The following HTR3C variants were observed in gnomAD, a reference collection of about 807,000 sequenced individuals.
The protein encoded by HTR3C is 5-HT3-C.
A neutral mutation model predicts 40.5 loss-of-function variants in HTR3C; 32 were observed. The ratio of observed to expected loss-of-function variants is 0.79; its 90% CI spans 0.60 to 1.06. The LOEUF (loss-of-function observed/expected upper bound fraction) is 1.06. Ranked by LOEUF, HTR3C falls within the 50% of genes least tolerant of loss-of-function variation. The pLI is 0.00. For missense variants in HTR3C, 523 were observed against 556.8 expected, an observed-to-expected ratio of 0.94 and a Z score of 0.61; for synonymous variants, 209 against 217.1, an observed-to-expected ratio of 0.96 and a Z score of 0.33.
At chr3:184,056,724 G>A in intron 4 of HTR3C, 151 bp from the exon 5 acceptor site, 1 of 658,164 alleles carries the variant, frequency 1.5e-6, no homozygotes, top group African/African-American at 1.8e-5. Flanking sequence ...CTCCAGCCTG[G>A]GCTACAAGAG....
intron 5 of HTR3C, among the ~76,000 whole-genome samples, chr3:184,057,520 G>A (rs1310821136): frequency 1.3e-5 from 2 of 152,300 alleles, no homozygotes; most frequent in Admixed American, 6.5e-5. Flanking sequence ...AGAACACGAG[G>A]TCAGGAGATC....
chr3:184,056,964 GCA>G lies in HTR3C; in HGVS notation c.480_481del (p.Ile161LeufsTer2), dbSNP rs1723340525. On this transcript the variant is annotated frameshift_variant, in exon 5 of 9. Transcript: ENST00000318351. LOFTEE classifies it high-confidence loss of function. ...TATGATAAGCCAATGAGGGTGACCA[GCA>G]TCTGTAACCTGGACATCTTCTACTT... is the stretch of plus-strand genomic sequence containing the variant. The G allele has an allele frequency of 6.2e-7, 1 of 1,613,538 alleles. No individual in the cohort carries two copies. The highest frequency in any genetic ancestry group is 1.3e-5 in the African/African-American group (1 of 74,902).
chr3:184,060,296 T>A lies in HTR3C; in HGVS notation c.1288T>A (p.Tyr430Asn). The change falls in exon 9 of 9, where the codon TAC (tyrosine) becomes AAC (asparagine). Residue 430 changes from tyrosine to asparagine, a missense_variant. Transcript: ENST00000318351. Reference sequence around the variant, plus strand: ...GATGGACACCCTGCTCTTCCGCCTCTACCTGCTCTTCATGGCCTCCTCCAT... The same window carrying A: ...GATGGACACCCTGCTCTTCCGCCTCAACCTGCTCTTCATGGCCTCCTCCAT... The part of the protein sequence containing the change: ...HAMDTLLFRL[Y>N]LLFMASSILT... The A allele has an allele frequency of 6.2e-7, 1 of 1,614,184 alleles. No homozygotes were observed. Among genetic ancestry groups the A allele is most frequent in the Non-Finnish European group, 8.5e-7 (1 of 1,180,030 alleles).
intron 4 of HTR3C, 66 bp downstream of exon 4, chr3:184,056,352 C>A (rs1481404329): frequency 1.4e-5 from 15 of 1,069,634 alleles, no homozygotes; most frequent in Non-Finnish European, 2.2e-5. Flanking sequence ...AGGGTCAGCA[C>A]AGGGCATGGG....
intron 8 of HTR3C, 21 bp downstream of exon 8, chr3:184,060,064 C>T (rs1389439003): frequency 6.2e-7 from 1 of 1,608,478 alleles, no homozygotes. Flanking sequence ...CCAGCACTGT[C>T]CATACTCGCC....
Position 184,059,547 on chromosome 3 carries a change from C to A in HTR3C, c.832C>A (p.Arg278Ser). ...CTACCTGCCAGCAGAGAGCGAGAAT[C>A]GTGCCCCATTCAAGATAACACTTCT... ...SFYLPAESEN[R>S]APFKITLLLG... Residue 278 changes from arginine (R) to serine (S), a missense_variant, in exon 7 of 9, where the codon CGT becomes AGT. Physicochemically the swap from Arg to Ser is moderately radical, Grantham distance 110. Transcript: ENST00000318351. 6.2e-7 allele frequency: 1 copy of A among 1,614,132 alleles called. No homozygotes were observed. The highest frequency in any genetic ancestry group is 8.5e-7 in the Non-Finnish European group (1 of 1,180,014).
intron 5 of HTR3C, 71 bp from the exon 6 acceptor site, chr3:184,058,350 AGTGGGG>A: frequency 7.0e-7 from 1 of 1,426,734 alleles, no homozygotes; most frequent in Non-Finnish European, 9.2e-7. Context: ...TTAGAAGCTC[AGTGGGG>A]GAGGACTCCA....
chr3:184,058,494 C>G lies in HTR3C; in HGVS notation c.627C>G (p.Ile209Met), dbSNP rs1560081771. 1.2e-6 allele frequency: 2 copies of G among 1,613,492 alleles called. No individual in the cohort carries two copies. Among genetic ancestry groups the G allele is most frequent in the Non-Finnish European group, 1.7e-6 (2 of 1,179,778 alleles). Residue 209 changes from isoleucine to methionine, a missense_variant, in exon 6 of 9, where the codon ATC becomes ATG. Coordinates refer to ENST00000318351, the MANE Select transcript of HTR3C (RefSeq NM_130770.3). Reference protein sequence around the residue: ...WEITDTSRKVIQTQGEWELLG... With the variant: ...WEITDTSRKVMQTQGEWELLG... ...TCACAGACACGTCTCGCAAAGTCAT[C>G]CAAACCCAGGGGGAGTGGGAGCTCT...
chr3:184,059,614 T>C lies in HTR3C; in HGVS notation c.899T>C (p.Leu300Pro), dbSNP rs772895047. The C allele has an allele frequency of 6.8e-6, 11 of 1,613,944 alleles. No homozygotes were observed. The highest frequency in any genetic ancestry group is 9.3e-6 in the Non-Finnish European group (11 of 1,180,020). The part of the protein sequence containing the change: ...NVFLLMMNDL[L>P]PASGTPLISV... ...TTCCTGCTCATGATGAATGACTTGCTCCCTGCCAGTGGCACCCCCCTCATC... is the reference window on the plus strand; with the variant it reads ...TTCCTGCTCATGATGAATGACTTGCCCCCTGCCAGTGGCACCCCCCTCATC... Residue 300 changes from leucine (L) to proline (P), a missense_variant, in exon 7 of 9, where the codon CTC (leucine) becomes CCC (proline). Coordinates refer to ENST00000318351, the MANE Select transcript of HTR3C (RefSeq NM_130770.3).
Position 184,058,501 on chromosome 3 carries a change from CA to C in HTR3C, c.635del (p.Gln212ArgfsTer41), listed in dbSNP as rs768387224. On this transcript the variant is annotated frameshift_variant, in exon 6 of 9. Transcript: ENST00000318351. LOFTEE classifies it high-confidence loss of function. ...CACGTCTCGCAAAGTCATCCAAACC[CA>C]GGGGGAGTGGGAGCTCTTGGGCATC... is the stretch of plus-strand genomic sequence containing the variant. ...TDTSRKVIQTQGEWELLGINK... is the reference protein window; with the variant it reads ...TDTSRKVIQTXGEWELLGINK... 2 of 1,613,526 alleles carry C rather than the reference CA, an allele frequency of 1.2e-6. No homozygotes were observed. Among genetic ancestry groups the C allele is most frequent in the South Asian group, 2.2e-5 (2 of 90,954 alleles).
rs1346643467 is a variant in HTR3C at position 184,053,095 on chromosome 3, G to T, written c.15G>T (p.Trp5Cys). Residue 5 changes from tryptophan (W) to cysteine (C), a missense_variant, in exon 1 of 9, where the codon TGG becomes TGT. Trp to Cys is a radical substitution (Grantham distance 215). Transcript: ENST00000318351. MEGG[W>C]PARQSALLCL... is the part of the protein sequence containing the mutation. ...CAGAAAGAAGAATGGAAGGAGGGTG[G>T]CCTGCAAGGCAGAGTGCCCTCCTCT... 6.2e-7 allele frequency: 1 copy of T among 1,613,480 alleles called. No homozygotes were observed. Among genetic ancestry groups the T allele is most frequent in the Non-Finnish European group, 8.5e-7 (1 of 1,179,572 alleles).
chr3:184,056,127 C>G, intron 3 of HTR3C, 50 bp from the exon 4 acceptor site: 1 of 1,220,022 alleles, frequency 8.2e-7, no homozygotes, highest in Non-Finnish European at 1.2e-6. Context: ...GAGAGGCCGA[C>G]AGGACAAGCT....
intron 1 of HTR3C, among the ~76,000 whole-genome samples, chr3:184,053,582 A>G (rs1406554359): frequency 6.6e-6 from 1 of 152,208 alleles, no homozygotes; most frequent in Non-Finnish European, 1.5e-5. Flanking sequence ...CCCAATCTGG[A>G]CACATACCTT....
chr3:184,059,629 C>A lies in HTR3C; in HGVS notation c.914C>A (p.Thr305Asn), dbSNP rs747222761. ...MMNDLLPASG[T>N]PLISVYFALC... ...AATGACTTGCTCCCTGCCAGTGGCACCCCCCTCATCAGTATGGCTCCTCCC... is the reference window on the plus strand; with the variant it reads ...AATGACTTGCTCCCTGCCAGTGGCAACCCCCTCATCAGTATGGCTCCTCCC... Residue 305 changes from threonine to asparagine, a missense_variant, in exon 7 of 9, where the codon ACC becomes AAC. Coordinates refer to ENST00000318351, the MANE Select transcript of HTR3C (RefSeq NM_130770.3). 1.9e-6 allele frequency: 3 copies of A among 1,613,886 alleles called. No individual in the cohort carries two copies. The highest frequency in any genetic ancestry group is 2.7e-5 in the African/African-American group (2 of 74,886).
chr3:184,057,216 C>T (rs1723346116), intron 5 of HTR3C, among the ~76,000 whole-genome samples, 172 bp downstream of exon 5: 1 of 152,222 alleles, frequency 6.6e-6, no homozygotes, highest in South Asian at 2.1e-4. Context: ...GTAATCTCAG[C>T]ACTTTGGGAG....
chr3:184,054,904 G>C lies in HTR3C; in HGVS notation c.234+17G>C, dbSNP rs202223050. ...CTGGGAGTGGTGAGACTTAGTCCCT[G>C]CATCTTTTCCATGGCTTCTAATAAG... is the stretch of plus-strand genomic sequence containing the variant. On this transcript the variant is annotated intron_variant, in intron 2 of 8. Coordinates refer to ENST00000318351, the MANE Select transcript of HTR3C (RefSeq NM_130770.3). 64 of 1,582,040 alleles carry C rather than the reference G, an allele frequency of 4.0e-5. No homozygotes were observed. The highest frequency in any genetic ancestry group is 5.4e-5 in the Non-Finnish European group (63 of 1,164,756).
At chr3:184,054,672 C>G (rs1217862306) in intron 1 of HTR3C, 49 bp from the exon 2 acceptor site, 5 of 1,469,772 alleles carry the variant, frequency 3.4e-6, no homozygotes, top group Non-Finnish European at 4.6e-6. Flanking sequence ...AGAGAGACTC[C>G]AGCCCTGGAA....
At chr3:184,055,395 T>C (rs1396562579) in intron 3 of HTR3C, 39 bp downstream of exon 3, 6 of 1,463,052 alleles carry the variant, frequency 4.1e-6, no homozygotes, top group South Asian at 3.4e-5. Context: ...ACTTCATTTA[T>C]AATTTTAAGC....
chr3:184,053,587 T>A (rs1723265395), intron 1 of HTR3C, among the ~76,000 whole-genome samples: 1 of 152,142 alleles, frequency 6.6e-6, no homozygotes, highest in South Asian at 2.1e-4. Context: ...TCTGGACACA[T>A]ACCTTAAATA....
Sources: gnomAD v4.1 joint callset for allele counts (sites outside exome capture counted in the v4.1 genomes callset) on GRCh38, gnomAD v4.1.1 for gene constraint, MANE v1.5 for transcripts, NCBI Gene and HGNC (gene_info 2026-07-23, HGNC 2026-07-21) for gene names.